MYO5B: variants seen among roughly 807,000 people sequenced by gnomAD.
The protein encoded by MYO5B is unconventional myosin-Vb.
Under a neutral mutation model 229.3 loss-of-function variants are expected in MYO5B, and 143 were observed. That is an observed-to-expected ratio of 0.62 (90% CI 0.54 to 0.72). The LOEUF (loss-of-function observed/expected upper bound fraction) is 0.72. MYO5B is among the 30% of genes least tolerant of loss of function. MYO5B has a pLI of 0.00. For missense variants in MYO5B, 2,321 were observed against 2,331.0 expected, an observed-to-expected ratio of 1.00 and a Z score of 0.09; for synonymous variants, 918 against 885.2, an observed-to-expected ratio of 1.04 and a Z score of -0.66.
intron 6 of MYO5B, 95 bp from the exon 7 acceptor site, chr18:49,990,615 C>T (rs1156964221): frequency 1.0e-6 from 1 of 983,546 alleles, no homozygotes; most frequent in African/African-American, 1.6e-5. Context: ...GTGGTGGAGG[C>T]TGAGCCCCCC....
At chr18:50,178,762 C>T (rs1370777011) in intron 1 of MYO5B, among the ~76,000 whole-genome samples, 2 of 152,142 alleles carry the variant, frequency 1.3e-5, no homozygotes, top group Non-Finnish European at 2.9e-5. Context: ...AATGTGAGTG[C>T]AATTCAGATG....
intron 1 of MYO5B, among the ~76,000 whole-genome samples, chr18:50,159,970 C>T (rs1000440982): frequency 2.8e-4 from 43 of 152,206 alleles, no homozygotes; most frequent in Admixed American, 2.5e-3. Context: ...ACATGAACAA[C>T]GTAGCAACAC....
chr18:49,945,764 G>GAGGAGGA lies in MYO5B; in HGVS notation c.1752+7495_1752+7496insTCCTCCT, dbSNP rs369125784. On this transcript the variant is annotated intron_variant, in intron 14 of 39. Transcript: ENST00000285039. Reference sequence around the variant, plus strand: ...GGTGGAGGGGAGGAGGGGAGGAGGAGGAGGAGGAGAGGAGAGCTGGGCCTG... The same window carrying GAGGAGGA: ...GGTGGAGGGGAGGAGGGGAGGAGGAGAGGAGGAGAGGAGGAGAGGAGAGCTGGGCCTG... Among the ~76,000 whole-genome samples the GAGGAGGA allele has an allele frequency of 1.1e-4, 7 of 64,658 alleles. No homozygotes were observed. The South Asian group carries it at 4.6e-3, about 43-fold the overall frequency. The allele number at this position is 64,658 out of a possible 152,430, so 42.4% of individuals were successfully genotyped here. A position where few individuals can be genotyped will look rare whatever the true frequency, so the allele number is the denominator to read the frequency against.
At chr18:49,839,025 G>T in intron 36 of MYO5B, 119 bp downstream of exon 36, 1 of 1,279,838 alleles carries the variant, frequency 7.8e-7, no homozygotes, top group Non-Finnish European at 1.1e-6. Context: ...GGAAGGTTCT[G>T]GCTTTCTGGA....
chr18:50,088,337 A>C (rs1286934097), intron 1 of MYO5B, among the ~76,000 whole-genome samples: 1 of 152,206 alleles, frequency 6.6e-6, no homozygotes, highest in Non-Finnish European at 1.5e-5. Flanking sequence ...ACTCCACATG[A>C]CAGGCATGTA....
rs376340757 is a variant in MYO5B at position 49,945,230 on chromosome 18, C to T, written c.1753-7833G>A. On this transcript the variant is annotated intron_variant, in intron 14 of 39. Transcript: ENST00000285039. ...AGGCCATGGCTCCAACCATCCCTCC[C>T]AGATCCTGCCACTCCAGTCTGGATC... is the stretch of plus-strand genomic sequence containing the variant. 2.6e-5 allele frequency among the ~76,000 whole-genome samples: 4 copies of T among 152,282 alleles called. 1 individual carries two copies. The highest frequency in any genetic ancestry group is 6.5e-5 in the Admixed American group (1 of 15,310).
chr18:50,194,622 G>A, intron 1 of MYO5B, 145 bp downstream of exon 1: 1 of 543,736 alleles, frequency 1.8e-6, no homozygotes. Context: ...GGGACTCCGA[G>A]GACAGTGACG....
intron 1 of MYO5B, among the ~76,000 whole-genome samples, chr18:50,071,225 A>G (rs565437362): frequency 1.3e-5 from 2 of 151,712 alleles, no homozygotes; most frequent in Admixed American, 1.3e-4. Flanking sequence ...ACTGTTATTC[A>G]CCCTTTAAGG....
chr18:49,853,851 G>C lies in MYO5B; in HGVS notation c.4023-204C>G, dbSNP rs180977959. Among the ~76,000 whole-genome samples, 182 of 152,376 alleles carry C rather than the reference G, an allele frequency of 1.2e-3. 1 individual carries two copies. Among genetic ancestry groups the C allele is most frequent in the African/African-American group, 4.2e-3 (176 of 41,598 alleles). ...AAAGTGTCCTCCTCTCAGATGATGGGAAACCAAGGCCAAAGGCACTTCTGG... is the reference window on the plus strand; with the variant it reads ...AAAGTGTCCTCCTCTCAGATGATGGCAAACCAAGGCCAAAGGCACTTCTGG... On this transcript the variant is annotated intron_variant, in intron 30 of 39. Transcript: ENST00000285039.
intron 1 of MYO5B, among the ~76,000 whole-genome samples, chr18:50,116,163 A>C (rs2031958861): frequency 6.6e-6 from 1 of 152,212 alleles, no homozygotes; most frequent in Admixed American, 6.5e-5. Context: ...CTATGACCCT[A>C]ATAGACCAAA....
intron 26 of MYO5B, among the ~76,000 whole-genome samples, chr18:49,874,794 C>T (rs1293189788): frequency 6.6e-6 from 1 of 152,142 alleles, no homozygotes; most frequent in Non-Finnish European, 1.5e-5. Context: ...GCAGAATTGG[C>T]CTTGTACCCT....
At chr18:50,003,895 T>C (rs2026073504) in intron 4 of MYO5B, among the ~76,000 whole-genome samples, 1 of 152,076 alleles carries the variant, frequency 6.6e-6, no homozygotes, top group Non-Finnish European at 1.5e-5. Flanking sequence ...CAGGAGGAAA[T>C]GAATCCCATC....
chr18:49,947,929 T>C (rs971978924), intron 14 of MYO5B, among the ~76,000 whole-genome samples: 1 of 152,240 alleles, frequency 6.6e-6, no homozygotes, highest in Non-Finnish European at 1.5e-5. Flanking sequence ...TGTATACATA[T>C]GTATACATGT....
At chr18:50,093,227 G>C (rs538876754) in intron 1 of MYO5B, among the ~76,000 whole-genome samples, 1,750 of 147,142 alleles carry the variant, frequency 0.012, 33 homozygotes, top group African/African-American at 0.042. Context: ...CACACACACA[G>C]AGAGGCACAC....
intron 22 of MYO5B, among the ~76,000 whole-genome samples, chr18:49,881,800 CAAAAA>C (rs10611314): frequency 0.61 from 85,832 of 140,320 alleles, 25,203 homozygotes; most frequent in Middle Eastern, 0.68. Context: ...GACTCCGTCT[CAAAAA>C]AAAAAAAAAA....
intron 7 of MYO5B, among the ~76,000 whole-genome samples, chr18:49,989,117 C>T (rs1198518550): frequency 6.6e-6 from 1 of 152,188 alleles, no homozygotes; most frequent in African/African-American, 2.4e-5. Flanking sequence ...AACTATTTTG[C>T]TCAATGCAGG....
In MYO5B at chr18:50,036,514, C is replaced by T. The variant is rs149566633; in HGVS notation, c.455+336G>A. On this transcript the variant is annotated intron_variant, in intron 4 of 39. Coordinates refer to ENST00000285039, the MANE Select transcript of MYO5B (RefSeq NM_001080467.3). ...AGGCTGGGGTAAATGAATGGAGATG[C>T]TAGCAAATGAATTATATTATACCAT... Among the ~76,000 whole-genome samples, 329 of 152,148 alleles carry T rather than the reference C, an allele frequency of 2.2e-3. 2 individuals are homozygous for T. Among genetic ancestry groups the T allele is most frequent in the Non-Finnish European group, 3.0e-3 (205 of 68,004 alleles).
At chr18:49,945,915 G>C (rs1211881954) in intron 14 of MYO5B, among the ~76,000 whole-genome samples, 1 of 152,162 alleles carries the variant, frequency 6.6e-6, no homozygotes, top group Admixed American at 6.5e-5. Flanking sequence ...TTCACATTTT[G>C]AAGATGCCAT....
chr18:50,140,233 T>C (rs1388276611), intron 1 of MYO5B, among the ~76,000 whole-genome samples: 1 of 152,230 alleles, frequency 6.6e-6, no homozygotes, highest in Non-Finnish European at 1.5e-5. Flanking sequence ...TAGGCTATCT[T>C]TATTAATTAC....
Sources: gnomAD v4.1 joint callset for allele counts (sites outside exome capture counted in the v4.1 genomes callset) on GRCh38, gnomAD v4.1.1 for gene constraint, MANE v1.5 for transcripts, NCBI Gene and HGNC (gene_info 2026-07-23, HGNC 2026-07-21) for gene names.